The following PLEKHA6 variants were observed in gnomAD, a reference collection of about 807,000 sequenced individuals.
The protein encoded by PLEKHA6 is pleckstrin homology domain containing A6, also known as pleckstrin homology domain-containing family A member 6.
Under a neutral mutation model 116.7 loss-of-function variants are expected in PLEKHA6, and 60 were observed. That is an observed-to-expected ratio of 0.51 (90% CI 0.42 to 0.64). The LOEUF (loss-of-function observed/expected upper bound fraction) is 0.64. Among genes scored for constraint, PLEKHA6 ranks in the 30% least tolerant of loss-of-function variants. The probability of loss-of-function intolerance (pLI) is 0.00; values close to 1 mark genes in which losing one functional copy is unlikely to be tolerated. For synonymous variants in PLEKHA6, 489 were observed against 556.1 expected (o/e 0.88, Z 1.70); for missense variants, 1,338 against 1,422.7 (o/e 0.94, Z 0.96).
rs1667709642 is a variant in PLEKHA6 at position 204,273,669 on chromosome 1, T to C, written c.59A>G (p.His20Arg). The C allele has an allele frequency of 6.2e-7, 1 of 1,614,056 alleles. No individual in the cohort carries two copies. The highest frequency in any genetic ancestry group is 8.5e-7 in the Non-Finnish European group (1 of 1,180,024). ...TGGAGGGACCTCGGACACCATGTTG[T>C]GGTTGGGTATGTCACTGTTGGTGGT... ...PATTNSDIPNHNMVSEVPPER... is the reference protein window; with the variant it reads ...PATTNSDIPNRNMVSEVPPER... The change falls in exon 3 of 23, where the codon CAC becomes CGC. Residue 20 changes from histidine (H) to arginine (R), a missense_variant. Coordinates refer to ENST00000272203, the MANE Select transcript of PLEKHA6 (RefSeq NM_014935.5).
At position 204,249,245 on chromosome 1, in the gene PLEKHA6, C is replaced by T; in HGVS notation, c.1613G>A (p.Cys538Tyr). The T allele has an allele frequency of 6.2e-7, 1 of 1,613,466 alleles. No individual in the cohort carries two copies. The highest frequency in any genetic ancestry group is 1.1e-5 in the South Asian group (1 of 91,056). ...CTCCCTCACCACCTTGTTCTGCTCA[C>T]ACAATTTTCCCAGCAGCTTCTAGGG... ...QDTDKLLGKL[C>Y]EQNKVVREQD... is the part of the protein sequence containing the mutation. The change falls in exon 11 of 23, where the codon TGT becomes TAT. Residue 538 changes from cysteine to tyrosine, a missense_variant. Cys to Tyr is a radical substitution (Grantham distance 194, BLOSUM62 -2). Around this residue, in one of 3 missense-constraint regions of PLEKHA6, gnomAD observed 1,136 missense variants for 1,163.6 expected, o/e 0.98. Transcript: ENST00000272203.
chr1:204,245,777 G>T, intron 13 of PLEKHA6, 51 bp from the exon 14 acceptor site: 1 of 1,349,226 alleles, frequency 7.4e-7, no homozygotes, highest in Non-Finnish European at 1.1e-6. Flanking sequence ...GGAGTGTCCA[G>T]CCCTTTCTCT....
chr1:204,234,833 G>A lies in PLEKHA6; in HGVS notation c.2410-4247C>T, dbSNP rs150596678. Among the ~76,000 whole-genome samples, 816 of 151,374 alleles carry A rather than the reference G, an allele frequency of 5.4e-3. 3 individuals are homozygous for A. The highest frequency in any genetic ancestry group is 0.019 in the African/African-American group (775 of 41,290). Reference sequence around the variant, plus strand: ...CCTGTGCTGGATGCTTCCTGCCCTCGAACATCAAACTGAAGTTCTTCAGTT... The same window carrying A: ...CCTGTGCTGGATGCTTCCTGCCCTCAAACATCAAACTGAAGTTCTTCAGTT... On this transcript the variant is annotated intron_variant, in intron 17 of 22. Coordinates refer to ENST00000272203, the MANE Select transcript of PLEKHA6 (RefSeq NM_014935.5).
At chr1:204,295,665 G>A (rs1333481367) in intron 1 of PLEKHA6, among the ~76,000 whole-genome samples, 11 of 152,182 alleles carry the variant, frequency 7.2e-5, no homozygotes, top group Middle Eastern at 3.4e-3. Context: ...GAGCACCTTC[G>A]GTTCTTCAGG....
rs1028726655 is a variant in PLEKHA6, at chr1:204,256,811, G to A, written c.1524+542C>T. ...GGGAGAAAGGACGTACCATCTTATC[G>A]TGGACCGTGGGGGATGGTGGGTAGT... On this transcript the variant is annotated intron_variant, in intron 9 of 22. Coordinates refer to ENST00000272203, the MANE Select transcript of PLEKHA6 (RefSeq NM_014935.5). The A allele has an allele frequency of 3.4e-5, 22 of 648,916 alleles. No individual in the cohort carries two copies. The Middle Eastern group carries it at 1.2e-3, about 36-fold the overall frequency. The allele number at this position is 648,916 out of a possible 1,614,324, so 40.2% of individuals were successfully genotyped here.
At chr1:204,291,089 G>T (rs1669707267) in intron 1 of PLEKHA6, among the ~76,000 whole-genome samples, 1 of 151,168 alleles carries the variant, frequency 6.6e-6, no homozygotes, top group Admixed American at 6.6e-5. Context: ...CTTTTATCTA[G>T]AACCTATGAA....
At chr1:204,265,661 G>C (rs972988376) in intron 5 of PLEKHA6, among the ~76,000 whole-genome samples, 1 of 152,178 alleles carries the variant, frequency 6.6e-6, no homozygotes, top group Non-Finnish European at 1.5e-5. Flanking sequence ...TTGTAGAGTG[G>C]ACTATCCCAC....
intron 1 of PLEKHA6, chr1:204,346,783 A>T (rs1382211693): frequency 9.5e-7 from 1 of 1,052,104 alleles, no homozygotes; most frequent in South Asian, 1.3e-5. Context: ...CTATTATGCC[A>T]TGAATTCATA....
intron 9 of PLEKHA6, chr1:204,251,476 C>G (rs1664550629): frequency 2.9e-6 from 2 of 695,366 alleles, no homozygotes; most frequent in South Asian, 3.0e-5. Flanking sequence ...CTCGACCATG[C>G]ACAAGCAGCT....
Position 204,257,293 on chromosome 1 carries a change from T to A in PLEKHA6, c.1524+60A>T. The A allele has an allele frequency of 1.4e-6, 2 of 1,470,856 alleles. No homozygotes were observed. The highest frequency in any genetic ancestry group is 1.9e-6 in the Non-Finnish European group (2 of 1,076,558). The allele number at this position is 1,470,856 out of a possible 1,614,324, so 91.1% of individuals were successfully genotyped here. ...CACATCTCTGCCTTTTCTCAGTAGA[T>A]GGTCTTAGGCTTCTGGGGACCTCAG... is the stretch of plus-strand genomic sequence containing the variant. On this transcript the variant is annotated intron_variant, in intron 9 of 22. Coordinates refer to ENST00000272203, the MANE Select transcript of PLEKHA6 (RefSeq NM_014935.5). This position sits in a 1 kb window ranked among gnomAD's most constrained non-coding sequence, Gnocchi z 6.5.
At chr1:204,262,344 T>C (rs2102794720) in intron 6 of PLEKHA6, among the ~76,000 whole-genome samples, 1 of 152,306 alleles carries the variant, frequency 6.6e-6, no homozygotes, top group South Asian at 2.1e-4. Context: ...GTGGTTTTGC[T>C]CTGGTCTTCA....
intron 1 of PLEKHA6, among the ~76,000 whole-genome samples, chr1:204,372,513 T>C (rs753988933): frequency 2.0e-5 from 3 of 152,206 alleles, no homozygotes; most frequent in Non-Finnish European, 4.4e-5. Context: ...TAGGATGGCA[T>C]CTTGGAGCCC....
intron 17 of PLEKHA6, among the ~76,000 whole-genome samples, chr1:204,231,914 A>G (rs1411850306): frequency 6.6e-6 from 1 of 151,538 alleles, no homozygotes; most frequent in African/African-American, 2.4e-5. Flanking sequence ...GTTTTTTAGT[A>G]TTTTTCCCCT....
intron 5 of PLEKHA6, among the ~76,000 whole-genome samples, chr1:204,266,124 C>G (rs1208511430): frequency 1.3e-5 from 2 of 152,206 alleles, no homozygotes; most frequent in Non-Finnish European, 2.9e-5. Flanking sequence ...CTCATCACAT[C>G]TACACGATAC....
intron 1 of PLEKHA6, among the ~76,000 whole-genome samples, chr1:204,345,105 T>C (rs1041835957): frequency 2.2e-4 from 33 of 152,286 alleles, no homozygotes; most frequent in African/African-American, 7.7e-4. Flanking sequence ...TCAGAACAAC[T>C]TGTATTTCCA....
At chr1:204,331,865 T>TC (rs1425658544) in intron 1 of PLEKHA6, among the ~76,000 whole-genome samples, 2 of 141,532 alleles carry the variant, frequency 1.4e-5, no homozygotes, top group African/African-American at 5.4e-5. Context: ...CACCCAGCCG[T>TC]CCCCCCGTCC....
chr1:204,329,888 C>CAAA (rs35574473), intron 1 of PLEKHA6, among the ~76,000 whole-genome samples: 1 of 118,428 alleles, frequency 8.4e-6, no homozygotes, highest in Non-Finnish European at 1.8e-5. Flanking sequence ...GACCCTGTCT[C>CAAA]AAAAAAAAAA....
At chr1:204,331,851 G>A (rs1042735246) in intron 1 of PLEKHA6, among the ~76,000 whole-genome samples, 1 of 149,156 alleles carries the variant, frequency 6.7e-6, no homozygotes, top group Admixed American at 6.7e-5. Flanking sequence ...CATGCCCCTA[G>A]AGTCACCCAG....
intron 5 of PLEKHA6, among the ~76,000 whole-genome samples, chr1:204,266,471 C>T (rs1424170121): frequency 2.0e-5 from 3 of 152,190 alleles, no homozygotes; most frequent in Admixed American, 6.5e-5. Context: ...ACTCTGGCTC[C>T]ACTGTGGCCC....
Sources: allele counts gnomAD v4.1 joint callset (sites outside exome capture counted in the v4.1 genomes callset), GRCh38; gene constraint gnomAD v4.1.1; regional missense constraint gnomAD v4.1.1; non-coding constraint Gnocchi (gnomAD v3.1); transcripts MANE v1.5; gene names NCBI Gene and HGNC (gene_info 2026-07-23, HGNC 2026-07-21).